DRC11: variants seen among roughly 807,000 people sequenced by gnomAD.
DRC11 encodes the protein IQ and AAA domain-containing protein 1.
chr2:236,358,758 G>A, the DRC11 span, among the ~76,000 whole-genome samples: 1 of 149,402 alleles, frequency 6.7e-6, no homozygotes, highest in South Asian at 2.1e-4. Context: ...GTGACACTCA[G>A]AGTGCTGAAT....
chr2:236,403,612 T>C, the DRC11 span, among the ~76,000 whole-genome samples: 1 of 152,188 alleles, frequency 6.6e-6, no homozygotes, highest in East Asian at 1.9e-4. Context: ...GATGAATAGG[T>C]GTAACATGGT....
chr2:236,444,767 A>G, the DRC11 span, among the ~76,000 whole-genome samples: 155 of 152,316 alleles, frequency 1.0e-3, no homozygotes, highest in Middle Eastern at 3.4e-3. Flanking sequence ...TCCTCCATCC[A>G]TCAAACCTTT....
the DRC11 span, among the ~76,000 whole-genome samples, chr2:236,482,852 A>T: frequency 1.3e-5 from 2 of 152,226 alleles, no homozygotes; most frequent in Non-Finnish European, 2.9e-5. This position sits in a 1 kb window ranked among gnomAD's most constrained non-coding sequence, Gnocchi z 4.5. Flanking sequence ...AACCATTTCA[A>T]TGTGCGAGTG....
the DRC11 span, chr2:236,407,890 T>C: frequency 2.4e-6 from 1 of 416,782 alleles, no homozygotes; most frequent in Non-Finnish European, 4.7e-6. Context: ...TTGAGTGGTT[T>C]CATGAATATT....
chr2:236,357,977 C>A, the DRC11 span, among the ~76,000 whole-genome samples: 1 of 108,338 alleles, frequency 9.2e-6, no homozygotes. Context: ...TGAATATATA[C>A]TCATATATAA....
chr2:236,354,471 T>C, the DRC11 span, among the ~76,000 whole-genome samples: 5 of 152,014 alleles, frequency 3.3e-5, no homozygotes, highest in Admixed American at 6.6e-5. Flanking sequence ...CCACCTGAAC[T>C]TAACTCTTGA....
chr2:236,383,933 C>A, the DRC11 span, among the ~76,000 whole-genome samples: 1 of 150,462 alleles, frequency 6.6e-6, no homozygotes, highest in African/African-American at 2.4e-5. Context: ...TTTGTTCTTG[C>A]GATAGTTTAC....
the DRC11 span, among the ~76,000 whole-genome samples, chr2:236,348,056 C>G: frequency 2.6e-5 from 4 of 152,228 alleles, no homozygotes; most frequent in Non-Finnish European, 5.9e-5. This position sits in a 1 kb window ranked among gnomAD's most constrained non-coding sequence, Gnocchi z 7.4. Context: ...TAAAGGAACT[C>G]TCTCGTCTTC....
the DRC11 span, among the ~76,000 whole-genome samples, chr2:236,499,370 G>A: frequency 6.6e-6 from 1 of 152,088 alleles, no homozygotes; most frequent in Admixed American, 6.6e-5. This position sits in a 1 kb window ranked among gnomAD's most constrained non-coding sequence, Gnocchi z 4.7. Context: ...TGGCTTTCAG[G>A]TCCCACATTC....
At chr2:236,363,456 C>G in the DRC11 span, among the ~76,000 whole-genome samples, 2 of 152,304 alleles carry the variant, frequency 1.3e-5, no homozygotes, top group South Asian at 2.1e-4. The surrounding 1 kb of genome is among the most constrained non-coding windows in gnomAD (Gnocchi z 5.6). Context: ...AATATCTCTA[C>G]CTGATGCCAA....
At chr2:236,370,618 CAAG>C in the DRC11 span, among the ~76,000 whole-genome samples, 3 of 152,000 alleles carry the variant, frequency 2.0e-5, no homozygotes, top group Admixed American at 6.5e-5. The surrounding 1 kb of genome is among the most constrained non-coding windows in gnomAD (Gnocchi z 5.5). Flanking sequence ...TGGGGACTGG[CAAG>C]AAGGACTGAG....
chr2:236,444,208 T>G, the DRC11 span, among the ~76,000 whole-genome samples: 139 of 152,376 alleles, frequency 9.1e-4, 1 homozygote, highest in African/African-American at 3.2e-3. Flanking sequence ...ATCCCATTTG[T>G]CAATTTTTGC....
the DRC11 span, among the ~76,000 whole-genome samples, chr2:236,396,323 G>T: frequency 6.7e-6 from 1 of 149,590 alleles, no homozygotes; most frequent in Non-Finnish European, 1.5e-5. Context: ...TAATCTTAGT[G>T]ATTAAAATGC....
the DRC11 span, among the ~76,000 whole-genome samples, chr2:236,379,812 G>C: frequency 1.1e-5 from 1 of 87,722 alleles, no homozygotes; most frequent in African/African-American, 4.7e-5. Flanking sequence ...AGGGAGAGGG[G>C]AGGGAACCTC....
the DRC11 span, chr2:236,465,532 T>C: frequency 1.2e-6 from 2 of 1,613,908 alleles, no homozygotes; most frequent in African/African-American, 1.3e-5. The surrounding 1 kb of genome is among the most constrained non-coding windows in gnomAD (Gnocchi z 6.2). Context: ...ATGCCGGATC[T>C]GGTCTTGAAG....
At chr2:236,395,958 T>C in the DRC11 span, among the ~76,000 whole-genome samples, 1 of 152,336 alleles carries the variant, frequency 6.6e-6, no homozygotes, top group East Asian at 1.9e-4. Flanking sequence ...ACACGATTAC[T>C]TATGTAGAAA....
the DRC11 span, among the ~76,000 whole-genome samples, chr2:236,422,174 C>T: frequency 6.6e-6 from 1 of 152,162 alleles, no homozygotes; most frequent in African/African-American, 2.4e-5. Flanking sequence ...TCTCACCACT[C>T]ATATTCAACA....
At chr2:236,407,151 C>A in the DRC11 span, among the ~76,000 whole-genome samples, 2 of 152,174 alleles carry the variant, frequency 1.3e-5, no homozygotes, top group South Asian at 4.1e-4. Flanking sequence ...TTGAGGGCTG[C>A]AGAGTGCTAC....
chr2:236,447,223 G>A, the DRC11 span, among the ~76,000 whole-genome samples: 2 of 151,618 alleles, frequency 1.3e-5, no homozygotes, highest in Non-Finnish European at 1.5e-5. The surrounding 1 kb of genome is among the most constrained non-coding windows in gnomAD (Gnocchi z 4.6). Flanking sequence ...CGTCCAAGCT[G>A]CCAATACCTC....
Sources: allele counts gnomAD v4.1 joint callset (sites outside exome capture counted in the v4.1 genomes callset), GRCh38; gene constraint gnomAD v4.1.1; non-coding constraint Gnocchi (gnomAD v3.1); transcripts MANE v1.5; gene names NCBI Gene and HGNC (gene_info 2026-07-23, HGNC 2026-07-21).